SP110: variants seen among roughly 807,000 people sequenced by gnomAD.
SP110 encodes the protein interferon-induced protein 41, 30kD.
A neutral mutation model predicts 92.7 loss-of-function variants in SP110; 62 were observed. That is an observed-to-expected ratio of 0.67 (90% confidence interval 0.55 to 0.83). SP110 has a LOEUF of 0.83. Among genes scored for constraint, SP110 ranks in the 40% least tolerant of loss-of-function variants. The pLI is 0.00. For synonymous variants in SP110, 273 were observed against 305.3 expected (o/e 0.89, Z 1.10); for missense variants, 793 against 863.9 (o/e 0.92, Z 1.03).
chr2:230,172,690 AG>A lies in SP110; in HGVS notation c.1706+153del, dbSNP rs1326355212. ...GGGGCAGAAGCAGTGTGGGGCCAAG[AG>A]GCTCACTGGCAGTCTCAGAGACCCA... On this transcript the variant is annotated intron_variant, in intron 15 of 18. Transcript: ENST00000258381. 2.4e-5 allele frequency: 15 copies of A among 629,576 alleles called. No homozygotes were observed. In the Admixed American group the frequency reaches 3.2e-4, roughly 14 times the overall value. 39.0% of individuals were successfully genotyped at this position (629,576 alleles called of 1,614,324 possible).
At chr2:230,201,255 G>A (rs941657900) in intron 9 of SP110, among the ~76,000 whole-genome samples, 1 of 152,208 alleles carries the variant, frequency 6.6e-6, no homozygotes, top group African/African-American at 2.4e-5. Flanking sequence ...CTCAAAGTAA[G>A]GTCTGTGAGC....
chr2:230,221,980 C>T (rs1559191675), upstream of SP110, among the ~76,000 whole-genome samples: 1 of 152,218 alleles, frequency 6.6e-6, no homozygotes, highest in African/African-American at 2.4e-5. Context: ...GCTTAGCTAG[C>T]ACTTTGGGAG....
intron 6 of SP110, among the ~76,000 whole-genome samples, chr2:230,210,529 C>G (rs1356249557): frequency 6.6e-6 from 1 of 152,176 alleles, no homozygotes; most frequent in African/African-American, 2.4e-5. Flanking sequence ...GGTTATTTTA[C>G]TTGGAGAAAT....
intron 11 of SP110, among the ~76,000 whole-genome samples, chr2:230,185,494 A>AG (rs1389808783): frequency 3.9e-4 from 59 of 152,284 alleles, no homozygotes; most frequent in African/African-American, 1.4e-3. Flanking sequence ...GTGAAAGTGG[A>AG]GGGAAAGGGT....
chr2:230,165,895 CTT>C lies in SP110; in HGVS notation c.*3227_*3228del, dbSNP rs34761414. Among the ~76,000 whole-genome samples the C allele has an allele frequency of 3.6e-5, 5 of 138,852 alleles. No individual in the cohort carries two copies. Among genetic ancestry groups the C allele is most frequent in the Admixed American group, 1.4e-4 (2 of 14,018 alleles). The allele number at this position is 138,852 out of a possible 152,430, so 91.1% of individuals were successfully genotyped here. A position where few individuals can be genotyped will look rare whatever the true frequency, so the allele number is the denominator to read the frequency against. On this transcript the variant is annotated 3_prime_UTR_variant, in exon 19 of 19. Coordinates refer to ENST00000258381, the MANE Select transcript of SP110 (RefSeq NM_080424.4). ...GACAGAAATAAGACCACCTATATAA[CTT>C]TTTTTTTTTTTTTTGAAACAGAGTC... is the stretch of plus-strand genomic sequence containing the variant.
intron 9 of SP110, among the ~76,000 whole-genome samples, chr2:230,201,937 C>G (rs1296674221): frequency 6.6e-6 from 1 of 152,134 alleles, no homozygotes; most frequent in Non-Finnish European, 1.5e-5. Flanking sequence ...TGTTAAATTA[C>G]CTCACCCTTT....
chr2:230,219,761 G>C (rs1368626667), intron 1 of SP110, 113 bp downstream of exon 1: 2 of 204,454 alleles, frequency 9.8e-6, no homozygotes, highest in South Asian at 3.4e-4. Flanking sequence ...AGCTCTGAGA[G>C]AGCCTCAGAG....
chr2:230,212,854 G>T lies in SP110; in HGVS notation c.490C>A (p.Gln164Lys). ...PRVSEPGTSSQQSDEILSESP... is the reference protein window; with the variant it reads ...PRVSEPGTSSKQSDEILSESP... Reference sequence around the variant, plus strand: ...TCACTCAGGATCTCATCGCTTTGCTGGGAGGATGTTCCAGGCTCACTGACT... The same window carrying T: ...TCACTCAGGATCTCATCGCTTTGCTTGGAGGATGTTCCAGGCTCACTGACT... The change falls in exon 4 of 19, where the codon CAG becomes AAG. Residue 164 changes from glutamine to lysine, a missense_variant. Transcript: ENST00000258381. 6.2e-7 allele frequency: 1 copy of T among 1,614,090 alleles called. No homozygotes were observed. The highest frequency in any genetic ancestry group is 2.2e-5 in the East Asian group (1 of 44,878).
chr2:230,221,732 G>A (rs1461328020), upstream of SP110: 2 of 1,536,010 alleles, frequency 1.3e-6, no homozygotes, highest in Admixed American at 3.9e-5. Flanking sequence ...CACCTGGAAA[G>A]CCCCTTCATG....
chr2:230,196,586 C>T (rs1394747529), intron 10 of SP110, among the ~76,000 whole-genome samples: 1 of 151,442 alleles, frequency 6.6e-6, no homozygotes, highest in African/African-American at 2.4e-5. Context: ...TACATGTGCA[C>T]AATGTGCAGG....
chr2:230,185,851 C>A lies in SP110; in HGVS notation c.1279+143G>T, dbSNP rs927074606. The A allele has an allele frequency of 2.3e-5, 19 of 809,996 alleles. No individual in the cohort carries two copies. In the African/African-American group the frequency reaches 2.5e-4, roughly 11 times the overall value. The allele number at this position is 809,996 out of a possible 1,614,324, so 50.2% of individuals were successfully genotyped here. On this transcript the variant is annotated intron_variant, in intron 11 of 18. Transcript: ENST00000258381. ...AACAACCACTGTCACATCAACAGATCCGTGCTCTGTCTTCATGTCCCTCTT... is the reference window on the plus strand; with the variant it reads ...AACAACCACTGTCACATCAACAGATACGTGCTCTGTCTTCATGTCCCTCTT...
rs931775989 is a variant in SP110 at position 230,168,866 on chromosome 2, G to A, written c.*258C>T. 1.5e-5 allele frequency: 6 copies of A among 391,960 alleles called. No individual in the cohort carries two copies. Among genetic ancestry groups the A allele is most frequent in the Non-Finnish European group, 2.9e-5 (6 of 210,008 alleles). The allele number at this position is 391,960 out of a possible 1,614,324, so 24.3% of individuals were successfully genotyped here. A position where few individuals can be genotyped will look rare whatever the true frequency, so the allele number is the denominator to read the frequency against. Reference sequence around the variant, plus strand: ...ACTCTAAAAAGACTTATGAGACAGTGGGGAGAATGTGAACTATGATGGGGT... The same window carrying A: ...ACTCTAAAAAGACTTATGAGACAGTAGGGAGAATGTGAACTATGATGGGGT... On this transcript the variant is annotated 3_prime_UTR_variant, in exon 19 of 19. Coordinates refer to ENST00000258381, the MANE Select transcript of SP110 (RefSeq NM_080424.4).
chr2:230,203,922 T>C (rs1185050972), intron 8 of SP110, among the ~76,000 whole-genome samples: 1 of 152,212 alleles, frequency 6.6e-6, no homozygotes, highest in Non-Finnish European at 1.5e-5. Flanking sequence ...ATGGTGGTGA[T>C]GGTTGCACAA....
At chr2:230,170,545 C>T (rs1035874146) in intron 18 of SP110, 76 bp downstream of exon 18, 1 of 1,562,818 alleles carries the variant, frequency 6.4e-7, no homozygotes, top group Non-Finnish European at 8.8e-7. Context: ...GAGTGTAATA[C>T]TTGCAAAATT....
At chr2:230,170,330 G>C (rs981106435) in intron 18 of SP110, among the ~76,000 whole-genome samples, 5 of 152,068 alleles carry the variant, frequency 3.3e-5, no homozygotes, top group African/African-American at 7.2e-5. Flanking sequence ...TTTGAACAAA[G>C]AGGCTGGATG....
intron 3 of SP110, among the ~76,000 whole-genome samples, chr2:230,214,538 T>A (rs952906759): frequency 6.6e-6 from 1 of 152,204 alleles, no homozygotes; most frequent in Non-Finnish European, 1.5e-5. Context: ...TCAAATAAAG[T>A]GTTTGCGATA....
chr2:230,210,989 A>G (rs575397210), intron 6 of SP110, among the ~76,000 whole-genome samples: 3 of 152,188 alleles, frequency 2.0e-5, no homozygotes, highest in African/African-American at 7.2e-5. Context: ...TTAGGGCCAC[A>G]CAGTGTTTTT....
At chr2:230,172,783 C>A (rs2078481585) in intron 15 of SP110, 61 bp downstream of exon 15, 13 of 1,144,132 alleles carry the variant, frequency 1.1e-5, no homozygotes, top group Non-Finnish European at 1.5e-5. Context: ...GCTCACAGGT[C>A]CTGCCCTTTC....
rs2078354097 is a variant in SP110, at chr2:230,168,823, C to A, written c.*301G>T. On this transcript the variant is annotated 3_prime_UTR_variant, in exon 19 of 19. Transcript: ENST00000258381. ...TGCAGTGTGTGGAACTTGTTTAGAT[C>A]CTGATTTGAACAAATCAACTCTAAA... is the stretch of plus-strand genomic sequence containing the variant. 1 of 300,214 alleles carries A rather than the reference C, an allele frequency of 3.3e-6. No individual in the cohort carries two copies. The highest frequency in any genetic ancestry group is 6.4e-6 in the Non-Finnish European group (1 of 155,410). 18.6% of individuals were successfully genotyped at this position (300,214 alleles called of 1,614,324 possible).
Sources: allele counts gnomAD v4.1 joint callset (sites outside exome capture counted in the v4.1 genomes callset), GRCh38; gene constraint gnomAD v4.1.1; transcripts MANE v1.5; gene names NCBI Gene and HGNC (gene_info 2026-07-23, HGNC 2026-07-21).